Variants in RTN4 observed in about 807,000 individuals in gnomAD.
RTN4 encodes the protein reticulon 4.
RTN4 carries 32 observed loss-of-function variants against 90.4 expected under a neutral mutation model. The ratio of observed to expected loss-of-function variants is 0.35; its 90% confidence interval spans 0.27 to 0.48. The LOEUF (loss-of-function observed/expected upper bound fraction) is 0.48, where lower values mean the gene tolerates loss of function less well. Ranked by LOEUF, RTN4 falls within the 20% of genes least tolerant of loss-of-function variation. The probability of loss-of-function intolerance (pLI) is 0.99; values close to 1 mark genes in which losing one functional copy is unlikely to be tolerated. For synonymous variants in RTN4, 629 were observed against 552.5 expected (o/e 1.14, Z -1.94); for missense variants, 1,706 against 1,430.2 (o/e 1.19, Z -3.11).
At chr2:55,073,141 A>G (rs1255915174) in intron 2 of RTN4, among the ~76,000 whole-genome samples, 1 of 152,262 alleles carries the variant, frequency 6.6e-6, no homozygotes, top group Non-Finnish European at 1.5e-5. Context: ...ACAACAGCAA[A>G]GAAAGACAAT....
chr2:55,056,775 G>T (rs1335062794), intron 2 of RTN4, among the ~76,000 whole-genome samples: 1 of 152,084 alleles, frequency 6.6e-6, no homozygotes, highest in Non-Finnish European at 1.5e-5. Context: ...TCCCAATATA[G>T]TGATTATGTG....
At chr2:55,009,981 G>A (rs766923543) in intron 3 of RTN4, 7 of 1,285,734 alleles carry the variant, frequency 5.4e-6, no homozygotes, top group Non-Finnish European at 7.7e-6. Context: ...CAACTCTTCA[G>A]AGGTTTCACT....
In RTN4 at chr2:55,009,873, A is replaced by G. The variant is rs145243710; in HGVS notation, c.3013+15213T>C. On this transcript the variant is annotated intron_variant, in intron 3 of 8. Transcript: ENST00000337526. ...GAACCTAAACGGCAGGACTGAAAAG[A>G]CTAAACCGAATGCCAGTGAAACAGA... Among the ~76,000 whole-genome samples the G allele has an allele frequency of 8.0e-3, 1,226 of 152,334 alleles. 11 individuals carry two copies. The highest frequency in any genetic ancestry group is 0.028 in the African/African-American group (1,174 of 41,566).
chr2:54,990,464 T>G (rs1340714334), intron 3 of RTN4, among the ~76,000 whole-genome samples: 2 of 152,236 alleles, frequency 1.3e-5, no homozygotes, highest in Non-Finnish European at 2.9e-5. Context: ...AGTAAGATAA[T>G]TAATGTAAAG....
chr2:55,074,150 G>T (rs1166575080), intron 2 of RTN4, among the ~76,000 whole-genome samples: 1 of 152,198 alleles, frequency 6.6e-6, no homozygotes, highest in Non-Finnish European at 1.5e-5. Context: ...TTGTTTTACA[G>T]GATTCTATGG....
chr2:55,050,013 G>A lies in RTN4; in HGVS notation c.288C>T (p.Ala96=). 2 of 1,379,866 alleles carry A rather than the reference G, an allele frequency of 1.4e-6. No homozygotes were observed. The highest frequency in any genetic ancestry group is 3.3e-5 in the South Asian group (2 of 61,038). 85.5% of individuals were successfully genotyped at this position (1,379,866 alleles called of 1,614,324 possible). ...VPPAPRGPLP[A]APPVAPERQP... is the part of the protein sequence containing the mutation. ...GCCGCTCCGGGGCGACGGGGGGAGC[G>A]GCCGGCAGGGGTCCCCGGGGCGCCG... The change falls in exon 1 of 9, where the codon GCC becomes GCT. Residue 96 remains alanine, a synonymous_variant. Transcript: ENST00000337526. This position sits in a 1 kb window ranked among gnomAD's most constrained non-coding sequence, Gnocchi z 4.6.
At chr2:55,119,457 C>T in the RTN4 span, among the ~76,000 whole-genome samples, 1 of 152,162 alleles carries the variant, frequency 6.6e-6, no homozygotes, top group Admixed American at 6.5e-5. Context: ...GAACAGAGAG[C>T]TCGTGTGATA....
At chr2:55,113,399 G>C (rs1668071725), upstream of RTN4, among the ~76,000 whole-genome samples, 1 of 152,148 alleles carries the variant, frequency 6.6e-6, no homozygotes, top group Admixed American at 6.5e-5. Context: ...AAACAACAGA[G>C]GAGGATCTCA....
At chr2:55,070,545 C>CAAAAAAAAAA (rs747838297) in intron 2 of RTN4, among the ~76,000 whole-genome samples, 2 of 67,288 alleles carry the variant, frequency 3.0e-5, no homozygotes, top group Admixed American at 1.9e-4. Context: ...GACTCTGTCT[C>CAAAAAAAAAA]AAAAAAAAAA....
intron 1 of RTN4, among the ~76,000 whole-genome samples, chr2:55,097,098 A>C: frequency 6.6e-6 from 1 of 151,780 alleles, no homozygotes; most frequent in African/African-American, 2.4e-5. Context: ...AGCAGACAAG[A>C]GGCCAAGAGA....
At chr2:55,125,375 T>C in the RTN4 span, among the ~76,000 whole-genome samples, 85 of 152,222 alleles carry the variant, frequency 5.6e-4, no homozygotes, top group Middle Eastern at 0.014. Flanking sequence ...CTGACGAAGG[T>C]CTAATATCCA....
At chr2:55,105,765 G>A (rs1057074019) in intron 1 of RTN4, among the ~76,000 whole-genome samples, 1 of 151,972 alleles carries the variant, frequency 6.6e-6, no homozygotes, top group Non-Finnish European at 1.5e-5. Flanking sequence ...TGTGACCAGG[G>A]ATACAAGACC....
At chr2:55,010,504 T>A in intron 3 of RTN4, 1 of 284,426 alleles carries the variant, frequency 3.5e-6, no homozygotes, top group Non-Finnish European at 5.5e-6. Flanking sequence ...GAAATGCAAT[T>A]AAAGCCATAT....
intron 3 of RTN4, among the ~76,000 whole-genome samples, chr2:55,022,651 A>C (rs1325915127): frequency 6.6e-6 from 1 of 151,780 alleles, no homozygotes; most frequent in East Asian, 1.9e-4. Context: ...CCTGCCAGTT[A>C]CCTCACTGCC....
At chr2:55,095,831 T>C (rs561742338) in intron 1 of RTN4, among the ~76,000 whole-genome samples, 1 of 152,346 alleles carries the variant, frequency 6.6e-6, no homozygotes, top group South Asian at 2.1e-4. Context: ...CATGCTTTCT[T>C]AGGCTACTTT....
At chr2:55,010,067 A>G in intron 3 of RTN4, 1 of 1,612,048 alleles carries the variant, frequency 6.2e-7, no homozygotes, top group Non-Finnish European at 8.5e-7. Flanking sequence ...ACTGAATAAG[A>G]AATTAAAAAG....
rs531272376 is a variant in RTN4 at position 55,033,646 on chromosome 2, A to G, written c.557-5426T>C. 3.9e-5 allele frequency among the ~76,000 whole-genome samples: 6 copies of G among 152,330 alleles called. No homozygotes were observed. The South Asian group carries it at 1.2e-3, about 32-fold the overall frequency. Reference sequence around the variant, plus strand: ...ATGATGTGCCTTACAGAGAAAACATATGTTAGATAATCTTCCTTCAGGCAT... The same window carrying G: ...ATGATGTGCCTTACAGAGAAAACATGTGTTAGATAATCTTCCTTCAGGCAT... On this transcript the variant is annotated intron_variant, in intron 1 of 8. Transcript: ENST00000337526.
chr2:55,049,941 T>C lies in RTN4; in HGVS notation c.360A>G (p.Pro120=). 1 of 1,344,036 alleles carries C rather than the reference T, an allele frequency of 7.4e-7. No homozygotes were observed. The highest frequency in any genetic ancestry group is 9.5e-7 in the Non-Finnish European group (1 of 1,053,900). 83.3% of individuals were successfully genotyped at this position (1,344,036 alleles called of 1,614,324 possible). The stretch of plus-strand genomic sequence containing the variant: ...AGACTGCGGCAGCAGACAGCGGGGA[T>C]GGCGCGGGCACGGTCGACGACACCG... ...PSPVSSTVPA[P]SPLSAAAVSP... is the part of the protein sequence containing the mutation. Residue 120 remains proline, a synonymous_variant, in exon 1 of 9, where the codon CCA becomes CCG. Transcript: ENST00000337526.
At chr2:55,042,778 C>T (rs1398349234) in intron 1 of RTN4, among the ~76,000 whole-genome samples, 1 of 152,158 alleles carries the variant, frequency 6.6e-6, no homozygotes, top group Non-Finnish European at 1.5e-5. Context: ...GTGCCTATCA[C>T]ATCTAAGGCA....
Sources: allele counts gnomAD v4.1 joint callset (sites outside exome capture counted in the v4.1 genomes callset), GRCh38; gene constraint gnomAD v4.1.1; non-coding constraint Gnocchi (gnomAD v3.1); transcripts MANE v1.5; gene names NCBI Gene and HGNC (gene_info 2026-07-23, HGNC 2026-07-21).